The following NCKAP5 variants were observed in gnomAD, a reference collection of about 807,000 sequenced individuals.
NCKAP5 encodes NCK associated protein 5, also known as nck-associated protein 5.
Under a neutral mutation model 167.0 loss-of-function variants are expected in NCKAP5, and 92 were observed. The ratio of observed to expected loss-of-function variants is 0.55; its 90% CI spans 0.47 to 0.66. The LOEUF is 0.66. Ranked by LOEUF, NCKAP5 falls within the 30% of genes least tolerant of loss-of-function variation. The pLI is 0.00. For missense variants in NCKAP5, 2,378 were observed against 2,315.0 expected (o/e 1.03, Z -0.56); for synonymous variants, 891 against 877.4 (o/e 1.02, Z -0.27).
At chr2:133,177,232 C>T (rs1574280127) in intron 5 of NCKAP5, among the ~76,000 whole-genome samples, 3 of 149,546 alleles carry the variant, frequency 2.0e-5, no homozygotes, top group Admixed American at 6.7e-5. Context: ...TCTCTCCATC[C>T]GTGATCACAG....
intron 3 of NCKAP5, among the ~76,000 whole-genome samples, chr2:133,325,817 G>A (rs1415735127): frequency 6.6e-6 from 1 of 152,116 alleles, no homozygotes; most frequent in African/African-American, 2.4e-5. Context: ...TGCTAGCCTT[G>A]GCCTCCCAAC....
At chr2:133,312,002 A>G (rs1559374162) in intron 3 of NCKAP5, among the ~76,000 whole-genome samples, 1 of 152,242 alleles carries the variant, frequency 6.6e-6, no homozygotes, top group Admixed American at 6.5e-5. Context: ...AAATTTAGGT[A>G]CATTGCTCAT....
chr2:133,128,001 T>C (rs1283316681), intron 6 of NCKAP5, among the ~76,000 whole-genome samples: 2 of 152,204 alleles, frequency 1.3e-5, no homozygotes, highest in African/African-American at 4.8e-5. Context: ...TCCATCCTTC[T>C]TGTCCTGTTC....
chr2:133,130,984 G>C (rs1188928017), intron 5 of NCKAP5, among the ~76,000 whole-genome samples: 1 of 152,124 alleles, frequency 6.6e-6, no homozygotes, highest in South Asian at 2.1e-4. Flanking sequence ...GATCATGAGG[G>C]ACATATATAC....
chr2:133,134,679 A>G (rs1382902598), intron 5 of NCKAP5, among the ~76,000 whole-genome samples: 1 of 152,234 alleles, frequency 6.6e-6, no homozygotes, highest in Non-Finnish European at 1.5e-5. Context: ...TCTTGTCTAT[A>G]CCTCATAGCC....
At chr2:133,643,975 T>A in the NCKAP5 span, among the ~76,000 whole-genome samples, 1 of 152,222 alleles carries the variant, frequency 6.6e-6, no homozygotes, top group African/African-American at 2.4e-5. Context: ...CGGCATTAGT[T>A]CCACATGAAA....
chr2:132,801,884 T>C (rs902329110), intron 11 of NCKAP5, among the ~76,000 whole-genome samples: 1 of 152,208 alleles, frequency 6.6e-6, no homozygotes, highest in African/African-American at 2.4e-5. Flanking sequence ...TGGTAGTGAC[T>C]GACTCTGCAG....
intron 11 of NCKAP5, among the ~76,000 whole-genome samples, chr2:132,797,741 G>T (rs1208754799): frequency 6.6e-6 from 1 of 152,130 alleles, no homozygotes; most frequent in African/African-American, 2.4e-5. Context: ...CATCTTAGAG[G>T]GCAGGGCTAT....
rs535314710 is a variant in NCKAP5, at chr2:133,081,176, C to T, written c.341+48802G>A. 2.0e-5 allele frequency among the ~76,000 whole-genome samples: 3 copies of T among 152,076 alleles called. No homozygotes were observed. The South Asian group carries it at 6.2e-4, about 32-fold the overall frequency. On this transcript the variant is annotated intron_variant, in intron 6 of 19. Transcript: ENST00000409261. ...AAGAAGCCCTAAAATACATTTTTTA[C>T]TTAAGCAAAAAAAAACTCTCATAAA...
intron 8 of NCKAP5, among the ~76,000 whole-genome samples, chr2:132,897,749 A>C (rs114430169): frequency 1.1e-3 from 160 of 152,348 alleles, no homozygotes; most frequent in African/African-American, 3.4e-3. Flanking sequence ...ACACTACTAC[A>C]CTATAGTATA....
At chr2:133,461,205 A>G (rs532081946) in intron 3 of NCKAP5, among the ~76,000 whole-genome samples, 2 of 152,260 alleles carry the variant, frequency 1.3e-5, no homozygotes, top group East Asian at 3.9e-4. Flanking sequence ...TCCAAATAGA[A>G]ACATTATTTA....
chr2:133,021,922 T>C (rs2078542948), intron 6 of NCKAP5, among the ~76,000 whole-genome samples: 1 of 152,170 alleles, frequency 6.6e-6, no homozygotes, highest in African/African-American at 2.4e-5. Context: ...TGAGGCACCA[T>C]ACCCAGCCTA....
At chr2:133,192,982 A>G (rs1478474052) in intron 5 of NCKAP5, among the ~76,000 whole-genome samples, 1 of 152,106 alleles carries the variant, frequency 6.6e-6, no homozygotes, top group Non-Finnish European at 1.5e-5. Context: ...AAAGCCCCAA[A>G]CTGAAAACAA....
At chr2:133,406,543 A>G (rs898899807) in intron 3 of NCKAP5, among the ~76,000 whole-genome samples, 14 of 148,224 alleles carry the variant, frequency 9.4e-5, no homozygotes, top group Non-Finnish European at 1.8e-4. Context: ...TTGATGTGGC[A>G]TCAATTTGTT....
intron 8 of NCKAP5, among the ~76,000 whole-genome samples, chr2:132,954,305 C>A (rs1045851871): frequency 6.6e-6 from 1 of 152,158 alleles, no homozygotes; most frequent in Admixed American, 6.6e-5. Flanking sequence ...ACAATGGTGG[C>A]CCCTTGGAGC....
At chr2:133,330,388 ATTGTTT>A (rs1377429410) in intron 3 of NCKAP5, among the ~76,000 whole-genome samples, 1 of 144,190 alleles carries the variant, frequency 6.9e-6, no homozygotes, top group Non-Finnish European at 1.5e-5. Context: ...CCTGGCTTAC[ATTGTTT>A]TTGTTTTTTT....
Position 133,517,475 on chromosome 2 carries a change from G to C in NCKAP5, c.52C>G (p.Leu18Val), listed in dbSNP as rs1368564785. 6.6e-7 allele frequency: 1 copy of C among 1,524,598 alleles called. No homozygotes were observed. Among genetic ancestry groups the C allele is most frequent in the South Asian group, 1.3e-5 (1 of 79,806 alleles). The allele number at this position is 1,524,598 out of a possible 1,614,324, so 94.4% of individuals were successfully genotyped here. A position where few individuals can be genotyped will look rare whatever the true frequency, so the allele number is the denominator to read the frequency against. Residue 18 changes from leucine (L) to valine (V), a missense_variant, in exon 3 of 20, where the codon CTA becomes GTA. Physicochemically the swap from Leu to Val is conservative, Grantham distance 32. Coordinates refer to ENST00000409261, the MANE Select transcript of NCKAP5 (RefSeq NM_207363.3). ...EKRDFGKRLS[L>V]DSSLVEYMDS... is the part of the protein sequence containing the mutation. ...GTACTTACCACAAGACTGCTGTCTAGAGACAGCCTTTTTCCAAAGTCCCTT... is the reference window on the plus strand; with the variant it reads ...GTACTTACCACAAGACTGCTGTCTACAGACAGCCTTTTTCCAAAGTCCCTT...
chr2:133,483,417 T>A (rs1358851543), intron 3 of NCKAP5, among the ~76,000 whole-genome samples: 1 of 152,136 alleles, frequency 6.6e-6, no homozygotes, highest in African/African-American at 2.4e-5. Context: ...ACAGGAGCAG[T>A]CTAAGTCTAG....
the NCKAP5 span, among the ~76,000 whole-genome samples, chr2:133,594,990 A>T: frequency 3.0e-3 from 463 of 152,306 alleles, 1 homozygote; most frequent in African/African-American, 0.011. Flanking sequence ...GAGACCAAAG[A>T]CTAAAGAAAT....
Sources: gnomAD v4.1 joint callset for allele counts (sites outside exome capture counted in the v4.1 genomes callset) on GRCh38, gnomAD v4.1.1 for gene constraint, MANE v1.5 for transcripts, NCBI Gene and HGNC (gene_info 2026-07-23, HGNC 2026-07-21) for gene names.